DOCK5: variants seen among roughly 807,000 people sequenced by gnomAD.
DOCK5 encodes dedicator of cytokinesis 5.
DOCK5 carries 142 observed loss-of-function variants against 251.8 expected under a neutral mutation model. That is an observed-to-expected ratio of 0.56 (90% CI 0.49 to 0.65). The LOEUF is 0.65. Ranked by LOEUF, DOCK5 falls within the 30% of genes least tolerant of loss-of-function variation. The pLI is 0.00. For synonymous variants in DOCK5, 842 were observed against 835.5 expected (o/e 1.01, Z -0.13); for missense variants, 2,111 against 2,312.3 (o/e 0.91, Z 1.79).
At chr8:25,372,780 C>A in intron 35 of DOCK5, 62 bp downstream of exon 35, 1 of 1,523,968 alleles carries the variant, frequency 6.6e-7, no homozygotes, top group Non-Finnish European at 8.8e-7. Flanking sequence ...CACCCTACAG[C>A]TCAGCTCTAG....
intron 40 of DOCK5, among the ~76,000 whole-genome samples, chr8:25,383,803 C>T (rs963038405): frequency 9.2e-5 from 14 of 151,836 alleles, no homozygotes; most frequent in African/African-American, 1.5e-4. Flanking sequence ...TGCATTGAGC[C>T]GAGATCACAC....
At chr8:25,285,959 T>A (rs1804319919) in intron 5 of DOCK5, among the ~76,000 whole-genome samples, 1 of 152,194 alleles carries the variant, frequency 6.6e-6, no homozygotes, top group Non-Finnish European at 1.5e-5. Flanking sequence ...TCCTCTGACC[T>A]GGTTGCCTGG....
chr8:25,409,817 G>A, intron 50 of DOCK5: 1 of 224,670 alleles, frequency 4.5e-6, no homozygotes, highest in Non-Finnish European at 8.9e-6. Context: ...CTGCACTCCA[G>A]CCTGGGCAAC....
intron 20 of DOCK5, among the ~76,000 whole-genome samples, chr8:25,333,757 G>A (rs1381038236): frequency 6.6e-6 from 1 of 152,176 alleles, no homozygotes; most frequent in African/African-American, 2.4e-5. Flanking sequence ...CCTTGGATTA[G>A]AGAAAACACC....
intron 34 of DOCK5, 91 bp from the exon 35 acceptor site, chr8:25,372,468 A>T: frequency 7.4e-7 from 1 of 1,352,654 alleles, no homozygotes; most frequent in Non-Finnish European, 9.8e-7. Flanking sequence ...ATCCTGCCCC[A>T]GCCACTGCTG....
intron 2 of DOCK5, among the ~76,000 whole-genome samples, chr8:25,267,094 T>C (rs192605539): frequency 6.6e-6 from 1 of 152,302 alleles, no homozygotes; most frequent in Non-Finnish European, 1.5e-5. Context: ...CATTTATTCA[T>C]GCAAAAGCCC....
In DOCK5 at chr8:25,274,875, G is replaced by T. The variant is rs57672317; in HGVS notation, c.169-511G>T. Among the ~76,000 whole-genome samples, 556 of 152,184 alleles carry T rather than the reference G, an allele frequency of 3.7e-3. 5 individuals carry two copies. Among genetic ancestry groups the T allele is most frequent in the African/African-American group, 0.013 (531 of 41,506 alleles). ...ACATGAAACCTGTGTAAAAGTATAT[G>T]CGGGTTGTGCAGGGCTGCGTGCCAT... On this transcript the variant is annotated intron_variant, in intron 3 of 51. Coordinates refer to ENST00000276440, the MANE Select transcript of DOCK5 (RefSeq NM_024940.8).
rs1801670768 is a variant in DOCK5 at position 25,413,892 on chromosome 8, T to C, written c.*2594T>C. On this transcript the variant is annotated 3_prime_UTR_variant, in exon 52 of 52. Coordinates refer to ENST00000276440, the MANE Select transcript of DOCK5 (RefSeq NM_024940.8). ...GTAGGAAGAGTCACATTTGACAGAA[T>C]TCATAAATAATGTGTCCTGAAGTCA... is the stretch of plus-strand genomic sequence containing the variant. 6.6e-6 allele frequency: 1 copy of C among 152,140 alleles called. No homozygotes were observed. The allele number at this position is 152,140 out of a possible 1,614,324, so 9.4% of individuals were successfully genotyped here.
chr8:25,278,436 C>T lies in DOCK5; in HGVS notation c.225-133C>T, dbSNP rs1586288678. The T allele has an allele frequency of 7.9e-6, 6 of 761,944 alleles. No homozygotes were observed. In the South Asian group the frequency reaches 9.9e-5, roughly 13 times the overall value. The allele number at this position is 761,944 out of a possible 1,614,324, so 47.2% of individuals were successfully genotyped here. ...CCCAGATGCTTGGATGCGATAAAGT[C>T]CCCTGCACAACTCCTGCCCCCAGGC... On this transcript the variant is annotated intron_variant, in intron 4 of 51. Transcript: ENST00000276440.
intron 17 of DOCK5, among the ~76,000 whole-genome samples, chr8:25,324,541 G>T (rs1805511347): frequency 6.6e-6 from 1 of 152,216 alleles, no homozygotes; most frequent in Non-Finnish European, 1.5e-5. Flanking sequence ...CTTTTGAGAT[G>T]CATCTACCTG....
At chr8:25,290,754 G>A (rs1320042987) in intron 5 of DOCK5, among the ~76,000 whole-genome samples, 2 of 152,046 alleles carry the variant, frequency 1.3e-5, no homozygotes, top group Admixed American at 1.3e-4. Context: ...TCCTATAAAG[G>A]CCTACCAGCT....
chr8:25,342,289 T>G, intron 24 of DOCK5, 112 bp from the exon 25 acceptor site: 1 of 743,750 alleles, frequency 1.3e-6, no homozygotes. Flanking sequence ...TTTTGTAGTT[T>G]TCCAGGTAAA....
chr8:25,373,636 AAG>A lies in DOCK5; in HGVS notation c.3710_3711del (p.Glu1237GlyfsTer18). The part of the protein sequence containing the change: ...VNVLNFYKEK[K>X]REDIYIRYLY... ...CTGGCAGAACTTTTATAAAGAAAAG[AAG>A]AGAGAGGACATATACATAAGGTAAG... On this transcript the variant is annotated frameshift_variant, in exon 36 of 52. Transcript: ENST00000276440. LOFTEE classifies it high-confidence loss of function. The A allele has an allele frequency of 6.3e-7, 1 of 1,597,170 alleles. No homozygotes were observed. The highest frequency in any genetic ancestry group is 8.5e-7 in the Non-Finnish European group (1 of 1,171,422).
Position 25,314,473 on chromosome 8 carries a change from A to C in DOCK5, c.1319-2534A>C, listed in dbSNP as rs527331739. On this transcript the variant is annotated intron_variant, in intron 13 of 51. Coordinates refer to ENST00000276440, the MANE Select transcript of DOCK5 (RefSeq NM_024940.8). ...TCAGCATCCCCATTTGGACCTCATA[A>C]TTCTGTGCATCTAGGCCTGAGGCAC... Among the ~76,000 whole-genome samples the C allele has an allele frequency of 1.4e-4, 21 of 151,882 alleles. No homozygotes were observed. In the East Asian group the frequency reaches 3.7e-3, roughly 27 times the overall value.
At chr8:25,206,511 A>G (rs1475783316) in intron 1 of DOCK5, among the ~76,000 whole-genome samples, 5 of 152,182 alleles carry the variant, frequency 3.3e-5, no homozygotes, top group African/African-American at 1.2e-4. Context: ...GGCCCTTCCA[A>G]ACTAGTACAA....
At position 25,414,346 on chromosome 8, in the gene DOCK5, T is replaced by C. The variant is rs1801676681; in HGVS notation, c.*3048T>C. 6.6e-6 allele frequency: 1 copy of C among 152,190 alleles called. No individual in the cohort carries two copies. Among genetic ancestry groups the C allele is most frequent in the African/African-American group, 2.4e-5 (1 of 41,434 alleles). 9.4% of individuals were successfully genotyped at this position (152,190 alleles called of 1,614,324 possible). A position where few individuals can be genotyped will look rare whatever the true frequency, so the allele number is the denominator to read the frequency against. ...GTGGTACCAGATGAAAATGAAACCC[T>C]AAAGAAGACTGCTGGGCCATGAGTT... On this transcript the variant is annotated 3_prime_UTR_variant, in exon 52 of 52. Transcript: ENST00000276440.
At chr8:25,261,778 A>C (rs1383927524) in intron 2 of DOCK5, among the ~76,000 whole-genome samples, 1 of 152,198 alleles carries the variant, frequency 6.6e-6, no homozygotes, top group Non-Finnish European at 1.5e-5. Context: ...TCCCACCCTC[A>C]GTAAACAGCC....
chr8:25,223,755 A>T (rs1244482874), intron 1 of DOCK5, among the ~76,000 whole-genome samples: 1 of 152,224 alleles, frequency 6.6e-6, no homozygotes, highest in African/African-American at 2.4e-5. Context: ...ACTTGTTAAG[A>T]TGGATTTGGG....
intron 26 of DOCK5, among the ~76,000 whole-genome samples, chr8:25,349,328 G>A (rs1800426722): frequency 6.6e-6 from 1 of 152,098 alleles, no homozygotes; most frequent in Non-Finnish European, 1.5e-5. Flanking sequence ...ATGAAAAACA[G>A]GGAATGCAAA....
Sources: gnomAD v4.1 joint callset for allele counts (sites outside exome capture counted in the v4.1 genomes callset) on GRCh38, gnomAD v4.1.1 for gene constraint, MANE v1.5 for transcripts, NCBI Gene and HGNC (gene_info 2026-07-23, HGNC 2026-07-21) for gene names.